TANC2: variants seen among roughly 807,000 people sequenced by gnomAD.
TANC2 encodes the protein tetratricopeptide repeat, ankyrin repeat and coiled-coil containing 2, also known as protein TANC2.
A neutral mutation model predicts 210.5 loss-of-function variants in TANC2; 26 were observed. That is an observed-to-expected ratio of 0.12 (90% CI 0.09 to 0.17). The LOEUF (loss-of-function observed/expected upper bound fraction) is 0.17. TANC2 is among the 10% of genes least tolerant of loss of function. TANC2 has a pLI of 1.00. For synonymous variants in TANC2, 931 were observed against 967.1 expected (o/e 0.96, Z 0.69); for missense variants, 2,129 against 2,608.9 (o/e 0.82, Z 4.01).
intron 2 of TANC2, among the ~76,000 whole-genome samples, chr17:63,055,985 AAAAAAATATATAT>A (rs1303652825): frequency 1.8e-4 from 3 of 16,826 alleles, no homozygotes; most frequent in African/African-American, 5.1e-4. Context: ...AAAAAAAAAA[AAAAAAATATATAT>A]ATATATATAT....
chr17:63,394,449 G>A (rs549721648), intron 17 of TANC2, among the ~76,000 whole-genome samples: 1 of 152,210 alleles, frequency 6.6e-6, no homozygotes, highest in Non-Finnish European at 1.5e-5. Flanking sequence ...TTTCTCCAAG[G>A]AGCCATGGTT....
intron 14 of TANC2, among the ~76,000 whole-genome samples, chr17:63,378,896 G>A (rs1245922952): frequency 6.6e-6 from 1 of 152,180 alleles, no homozygotes; most frequent in Non-Finnish European, 1.5e-5. Flanking sequence ...AGTTTGGGTC[G>A]TGTTGAGTGT....
exon 10 of TANC2, chr17:63,314,590 C>T (rs1447256802): frequency 2.5e-6 from 4 of 1,613,882 alleles, no homozygotes; most frequent in Non-Finnish European, 3.4e-6. Flanking sequence ...CTGCCATCAT[C>T]TCCAGACTGG....
chr17:63,392,016 C>T (rs1192357444), intron 17 of TANC2, among the ~76,000 whole-genome samples: 1 of 152,154 alleles, frequency 6.6e-6, no homozygotes. Context: ...CGTGAGCCAC[C>T]GTGCTCGGCC....
At chr17:63,097,317 G>T (rs747969180) in intron 3 of TANC2, among the ~76,000 whole-genome samples, 4 of 152,078 alleles carry the variant, frequency 2.6e-5, no homozygotes, top group Non-Finnish European at 5.9e-5. Context: ...AAAGTCTTGG[G>T]ATTATAGGCA....
chr17:63,116,890 T>C (rs1472716779), intron 4 of TANC2: 2 of 152,208 alleles, frequency 1.3e-5, no homozygotes, highest in African/African-American at 4.8e-5. Flanking sequence ...AGTATTAATA[T>C]TTTAAATTAC....
At chr17:63,223,861 T>C (rs1459987403) in intron 7 of TANC2, among the ~76,000 whole-genome samples, 1 of 152,162 alleles carries the variant, frequency 6.6e-6, no homozygotes, top group Non-Finnish European at 1.5e-5. Flanking sequence ...GCTGATCTCC[T>C]ACCTCAACTT....
chr17:63,418,162 G>A lies in TANC2; in HGVS notation c.4168-145G>A, dbSNP rs768621127. ...GGAACTTTCAGTCCACAGGCCACGC[G>A]GCTTGAGCCATGTCAGGCACGTCTA... On this transcript the variant is annotated intron_variant, in intron 26 of 27. Coordinates refer to ENST00000689528, the Ensembl canonical transcript of TANC2. The surrounding 1 kb of genome is among the most constrained non-coding windows in gnomAD (Gnocchi z 4.6). The A allele has an allele frequency of 1.0e-4, 82 of 792,424 alleles. No homozygotes were observed. Among genetic ancestry groups the A allele is most frequent in the Non-Finnish European group, 1.5e-4 (73 of 497,536 alleles). 49.1% of individuals were successfully genotyped at this position (792,424 alleles called of 1,614,324 possible).
intron 4 of TANC2, among the ~76,000 whole-genome samples, chr17:63,139,316 A>G (rs1164304397): frequency 6.6e-6 from 1 of 152,200 alleles, no homozygotes; most frequent in Admixed American, 6.5e-5. Flanking sequence ...TGGAGAATTA[A>G]GTCAAGTTGC....
At chr17:63,164,419 A>G (rs1379285645) in intron 5 of TANC2, among the ~76,000 whole-genome samples, 2 of 152,132 alleles carry the variant, frequency 1.3e-5, no homozygotes, top group African/African-American at 4.8e-5. Context: ...GCCAAAACAC[A>G]TCACAGTAAA....
intron 8 of TANC2, among the ~76,000 whole-genome samples, chr17:63,262,203 TAA>T (rs1415995289): frequency 6.6e-6 from 1 of 152,210 alleles, no homozygotes; most frequent in Admixed American, 6.5e-5. Context: ...TTTTTTTCTT[TAA>T]GAGACAAGAG....
intron 9 of TANC2, among the ~76,000 whole-genome samples, chr17:63,270,473 G>T (rs540901621): frequency 6.6e-6 from 1 of 151,944 alleles, no homozygotes; most frequent in Non-Finnish European, 1.5e-5. Context: ...TTATTTAAAG[G>T]AATGTACAAA....
chr17:63,258,516 A>G lies in TANC2; in HGVS notation c.1034-9232A>G, dbSNP rs115546656. On this transcript the variant is annotated intron_variant, in intron 8 of 27. Transcript: ENST00000689528. ...CCTGGAGTCAGGAACCTTGAAATCT[A>G]CTTGGTGTTCCATACTAGTGCAGTG... Among the ~76,000 whole-genome samples the G allele has an allele frequency of 2.5e-3, 376 of 151,390 alleles. 2 individuals are homozygous for G. Among genetic ancestry groups the G allele is most frequent in the African/African-American group, 8.9e-3 (368 of 41,218 alleles).
chr17:63,340,368 G>A (rs1380898518), intron 12 of TANC2, 36 bp downstream of exon 12: 1 of 1,566,038 alleles, frequency 6.4e-7, no homozygotes, highest in South Asian at 1.1e-5. Context: ...AAAGATGGAG[G>A]TTTAGAGCCC....
rs138759421 is a variant in TANC2 at position 63,312,526 on chromosome 17, A to G, written c.1160-1862A>G. ...AGTGGGAGCTAAACAATGAGTACTC[A>G]TGGCTCATTGACGTAAAGATGGTAA... On this transcript the variant is annotated intron_variant, in intron 9 of 27. Transcript: ENST00000689528. 3.1e-3 allele frequency among the ~76,000 whole-genome samples: 479 copies of G among 152,282 alleles called. 2 individuals carry two copies. The highest frequency in any genetic ancestry group is 0.027 in the Middle Eastern group (8 of 294).
At chr17:63,329,471 A>G (rs999747731) in intron 11 of TANC2, among the ~76,000 whole-genome samples, 4 of 152,204 alleles carry the variant, frequency 2.6e-5, no homozygotes, top group African/African-American at 7.2e-5. Context: ...AAACATGACA[A>G]TTTAAAAACT....
intron 7 of TANC2, among the ~76,000 whole-genome samples, chr17:63,235,839 TA>T (rs2042606555): frequency 6.6e-6 from 1 of 152,036 alleles, no homozygotes; most frequent in Admixed American, 6.5e-5. Flanking sequence ...TAATTATTGC[TA>T]AAAAATTATA....
chr17:63,332,673 A>T (rs1271682183), intron 11 of TANC2: 3 of 174,884 alleles, frequency 1.7e-5, no homozygotes, highest in African/African-American at 7.2e-5. Flanking sequence ...TGTAGACAGA[A>T]TAGCCTTCTG....
At chr17:63,150,314 A>G (rs538663151) in intron 4 of TANC2, 1 of 152,296 alleles carries the variant, frequency 6.6e-6, no homozygotes, top group East Asian at 1.9e-4. Flanking sequence ...CTGTCACCCT[A>G]TTATAGTTTA....
Sources: allele counts gnomAD v4.1 joint callset (sites outside exome capture counted in the v4.1 genomes callset), GRCh38; gene constraint gnomAD v4.1.1; non-coding constraint Gnocchi (gnomAD v3.1); transcripts MANE v1.5; gene names NCBI Gene and HGNC (gene_info 2026-07-23, HGNC 2026-07-21).